PPFIA1: variants seen among roughly 807,000 people sequenced by gnomAD.
PPFIA1 encodes PPFI scaffold protein A1.
In PPFIA1, 25 loss-of-function variants were observed where a neutral mutation model predicts 149.9. The observed-to-expected ratio is 0.17, with a 90% CI of 0.12 to 0.23. The LOEUF (loss-of-function observed/expected upper bound fraction) is 0.23. PPFIA1 is among the 10% of genes least tolerant of loss of function. The pLI, the probability that PPFIA1 is intolerant of heterozygous loss-of-function variation, is 1.00. For missense variants in PPFIA1, 1,362 were observed against 1,506.5 expected (o/e 0.90, Z 1.59); for synonymous variants, 549 against 552.8 (o/e 0.99, Z 0.10).
intron 24 of PPFIA1, chr11:70,375,590 C>G (rs928927104): frequency 6.6e-6 from 1 of 152,070 alleles, no homozygotes; most frequent in African/African-American, 2.4e-5. Flanking sequence ...GAGTTCGAGA[C>G]CAGCCTGGCC....
intron 21 of PPFIA1, among the ~76,000 whole-genome samples, chr11:70,366,281 A>C (rs141299960): frequency 1.8e-4 from 27 of 152,332 alleles, no homozygotes; most frequent in African/African-American, 6.5e-4. Context: ...TTATGTATGT[A>C]ATTTCCTGGT....
intron 2 of PPFIA1, among the ~76,000 whole-genome samples, chr11:70,287,929 T>G (rs1265645152): frequency 6.6e-6 from 1 of 151,932 alleles, no homozygotes; most frequent in Non-Finnish European, 1.5e-5. Flanking sequence ...TACATAATGA[T>G]GTTGGCCCTA....
At chr11:70,309,295 G>A (rs1474040197) in intron 2 of PPFIA1, among the ~76,000 whole-genome samples, 2 of 151,922 alleles carry the variant, frequency 1.3e-5, no homozygotes, top group African/African-American at 4.8e-5. Context: ...TCAGCCTCCC[G>A]AGTAGCTGGG....
chr11:70,351,725 C>T (rs1198889666), intron 16 of PPFIA1, among the ~76,000 whole-genome samples: 3 of 152,190 alleles, frequency 2.0e-5, no homozygotes, highest in Admixed American at 2.0e-4. Context: ...CCCCATTTTA[C>T]AGATGTGGAA....
At chr11:70,292,119 G>A (rs537284415) in intron 2 of PPFIA1, among the ~76,000 whole-genome samples, 1 of 152,164 alleles carries the variant, frequency 6.6e-6, no homozygotes, top group African/African-American at 2.4e-5. Flanking sequence ...TTACAGGCGT[G>A]AGCCACCGCG....
chr11:70,344,883 G>C, intron 15 of PPFIA1, among the ~76,000 whole-genome samples: 1 of 152,222 alleles, frequency 6.6e-6, no homozygotes, highest in East Asian at 1.9e-4. Context: ...TGAACATTTC[G>C]TAGTTCACAG....
chr11:70,340,893 G>A (rs2055290124), intron 14 of PPFIA1: 1 of 332,884 alleles, frequency 3.0e-6, no homozygotes, highest in African/African-American at 2.6e-5. Context: ...GAGGCCTCGG[G>A]GCCATCAGCC....
chr11:70,336,049 A>G (rs2054958655), intron 11 of PPFIA1, among the ~76,000 whole-genome samples: 1 of 152,204 alleles, frequency 6.6e-6, no homozygotes. Flanking sequence ...AAGCAGCCAT[A>G]AATAACGTGT....
At chr11:70,316,138 C>T (rs962435877) in intron 2 of PPFIA1, among the ~76,000 whole-genome samples, 1 of 152,032 alleles carries the variant, frequency 6.6e-6, no homozygotes, top group Non-Finnish European at 1.5e-5. Context: ...GTGGCGCAGT[C>T]TCGGCTCACT....
intron 21 of PPFIA1, 97 bp from the exon 22 acceptor site, chr11:70,372,116 TGA>T: frequency 9.5e-7 from 1 of 1,055,658 alleles, no homozygotes; most frequent in East Asian, 2.7e-5. Context: ...GTTTAGCCTT[TGA>T]GAATATAGGT....
intron 1 of PPFIA1, chr11:70,271,906 G>C (rs2050120875): frequency 3.2e-6 from 1 of 314,898 alleles, no homozygotes; most frequent in South Asian, 4.3e-5. Context: ...GACTACCCCA[G>C]GGCTTGCCCT....
At chr11:70,286,501 T>G (rs2051136433) in intron 2 of PPFIA1, among the ~76,000 whole-genome samples, 1 of 152,200 alleles carries the variant, frequency 6.6e-6, no homozygotes, top group Non-Finnish European at 1.5e-5. Flanking sequence ...TCTGCCCTTC[T>G]TGGCCTCCCA....
chr11:70,331,149 C>T (rs1010673871), intron 8 of PPFIA1, among the ~76,000 whole-genome samples: 4 of 150,470 alleles, frequency 2.7e-5, no homozygotes, highest in South Asian at 2.1e-4. Context: ...GCAGGAGAAT[C>T]GCTTGAACCC....
chr11:70,312,531 C>T (rs1471130796), intron 2 of PPFIA1, among the ~76,000 whole-genome samples: 1 of 152,118 alleles, frequency 6.6e-6, no homozygotes, highest in Non-Finnish European at 1.5e-5. Context: ...CCTGGTTCCC[C>T]CTACAGGAGT....
intron 26 of PPFIA1, among the ~76,000 whole-genome samples, chr11:70,380,809 A>G (rs2057684892): frequency 6.6e-6 from 1 of 152,064 alleles, no homozygotes; most frequent in African/African-American, 2.4e-5. Context: ...CTTACATTAA[A>G]TAACTCAGGC....
At chr11:70,279,157 C>T in intron 2 of PPFIA1, 1 of 540,600 alleles carries the variant, frequency 1.8e-6, no homozygotes, top group South Asian at 2.0e-5. Context: ...GCAGTCGCGC[C>T]CACACGTCCA....
chr11:70,300,681 C>A (rs2052429419), intron 2 of PPFIA1, among the ~76,000 whole-genome samples: 1 of 152,034 alleles, frequency 6.6e-6, no homozygotes, highest in African/African-American at 2.4e-5. Flanking sequence ...CTACAGGCGC[C>A]CGCCACCACG....
At position 70,325,586 on chromosome 11, in the gene PPFIA1, A is replaced by G; in HGVS notation, c.606+12A>G. On this transcript the variant is annotated intron_variant, in intron 5 of 27. Coordinates refer to ENST00000253925, the MANE Select transcript of PPFIA1 (RefSeq NM_003626.5). ...CCACACACAAAGAGGTAAGCTTGAG[A>G]CTTCATCATGAGTTGAATTGGGGGG... is the stretch of plus-strand genomic sequence containing the variant. The G allele has an allele frequency of 6.6e-7, 1 of 1,526,224 alleles. No homozygotes were observed. Among genetic ancestry groups the G allele is most frequent in the Non-Finnish European group, 9.1e-7 (1 of 1,101,738 alleles). 94.5% of individuals were successfully genotyped at this position (1,526,224 alleles called of 1,614,324 possible).
At chr11:70,374,857 G>A in intron 23 of PPFIA1, 61 bp from the exon 24 acceptor site, 3 of 1,454,048 alleles carry the variant, frequency 2.1e-6, no homozygotes, top group Admixed American at 1.8e-5. Flanking sequence ...GCATTACAGG[G>A]TACATGTGAT....
Sources: gnomAD v4.1 joint callset for allele counts (sites outside exome capture counted in the v4.1 genomes callset) on GRCh38, gnomAD v4.1.1 for gene constraint, MANE v1.5 for transcripts, NCBI Gene and HGNC (gene_info 2026-07-23, HGNC 2026-07-21) for gene names.